The following MYO10 variants were observed in gnomAD, a reference collection of about 807,000 sequenced individuals.
MYO10 encodes the protein myosin X.
Under a neutral mutation model 257.3 loss-of-function variants are expected in MYO10, and 133 were observed. The ratio of observed to expected loss-of-function variants is 0.52; its 90% CI spans 0.45 to 0.60. The LOEUF is 0.60. MYO10 is among the 20% of genes least tolerant of loss of function. The pLI is 0.00. For missense variants in MYO10, 2,399 were observed against 2,635.7 expected (o/e 0.91, Z 1.97); for synonymous variants, 1,104 against 1,028.6 (o/e 1.07, Z -1.40).
At chr5:16,688,653 T>C (rs944419396) in intron 28 of MYO10, among the ~76,000 whole-genome samples, 1 of 151,712 alleles carries the variant, frequency 6.6e-6, no homozygotes, top group African/African-American at 2.4e-5. Flanking sequence ...GGCAGGAGAA[T>C]TGCTTGAACC....
In MYO10 at chr5:16,662,528, C is replaced by T. The variant is rs1387978184; in HGVS notation, c.*4164G>A. On this transcript the variant is annotated 3_prime_UTR_variant, in exon 41 of 41. Transcript: ENST00000513610. ...GTGGAGACAGGGTCTTGTCATGTTGCCCAGACTGGTCTTGAACTCCGGAGC... is the reference window on the plus strand; with the variant it reads ...GTGGAGACAGGGTCTTGTCATGTTGTCCAGACTGGTCTTGAACTCCGGAGC... 6.6e-6 allele frequency: 1 copy of T among 151,724 alleles called. No individual in the cohort carries two copies. Among genetic ancestry groups the T allele is most frequent in the Non-Finnish European group, 1.5e-5 (1 of 67,968 alleles). The allele number at this position is 151,724 out of a possible 1,614,324, so 9.4% of individuals were successfully genotyped here.
intron 3 of MYO10, among the ~76,000 whole-genome samples, chr5:16,797,854 A>G (rs1742013992): frequency 1.3e-5 from 2 of 152,244 alleles, no homozygotes; most frequent in African/African-American, 4.8e-5. Flanking sequence ...ACTAAGATAC[A>G]GGTTGTATGG....
At chr5:16,758,848 T>G (rs530149314) in intron 17 of MYO10, among the ~76,000 whole-genome samples, 2 of 152,254 alleles carry the variant, frequency 1.3e-5, no homozygotes, top group East Asian at 3.9e-4. Context: ...ATCATATATA[T>G]TGATATTAGT....
At chr5:16,823,097 G>C (rs1048551070) in intron 2 of MYO10, among the ~76,000 whole-genome samples, 1 of 151,700 alleles carries the variant, frequency 6.6e-6, no homozygotes, top group Non-Finnish European at 1.5e-5. Flanking sequence ...CAATTAGCAG[G>C]GTATTAGTCG....
Position 16,888,267 on chromosome 5 carries a change from A to G in MYO10, c.22-10560T>C, listed in dbSNP as rs541711869. On this transcript the variant is annotated intron_variant, in intron 1 of 40. Transcript: ENST00000513610. The stretch of plus-strand genomic sequence containing the variant: ...CTCTAGGCTGGGCATAGTGACTCAC[A>G]CCTGTAATCTCAACACTTTGGGAGT... Among the ~76,000 whole-genome samples the G allele has an allele frequency of 3.3e-3, 492 of 151,226 alleles. 5 individuals are homozygous for G. The highest frequency in any genetic ancestry group is 0.011 in the African/African-American group (463 of 40,584).
chr5:16,787,783 T>C (rs1252605150), intron 4 of MYO10, among the ~76,000 whole-genome samples: 1 of 152,090 alleles, frequency 6.6e-6, no homozygotes, highest in Non-Finnish European at 1.5e-5. Flanking sequence ...TGATCAGATT[T>C]AAGCTTCTAA....
At chr5:16,860,363 A>G (rs1161491066) in intron 2 of MYO10, among the ~76,000 whole-genome samples, 3 of 152,154 alleles carry the variant, frequency 2.0e-5, no homozygotes, top group African/African-American at 7.2e-5. Context: ...AGACTTTCCA[A>G]TTGATCTCAG....
At chr5:16,780,689 A>G in intron 7 of MYO10, 39 bp downstream of exon 7, 1 of 1,552,040 alleles carries the variant, frequency 6.4e-7, no homozygotes, top group Non-Finnish European at 8.8e-7. Flanking sequence ...GAAAATTGTT[A>G]TTATGGAAGA....
chr5:16,851,459 G>T (rs2126736073), intron 2 of MYO10, among the ~76,000 whole-genome samples: 1 of 152,218 alleles, frequency 6.6e-6, no homozygotes, highest in East Asian at 1.9e-4. Context: ...TCGGAAACTT[G>T]GGTCACATGT....
chr5:16,762,761 C>T, intron 14 of MYO10, 124 bp from the exon 15 acceptor site: 1 of 643,010 alleles, frequency 1.6e-6, no homozygotes, highest in Non-Finnish European at 2.7e-6. Context: ...GTCAGGAGTT[C>T]CAGACCAGCC....
At position 16,715,051 on chromosome 5, in the gene MYO10, A is replaced by G. The variant is rs187892311; in HGVS notation, c.1930-3806T>C. On this transcript the variant is annotated intron_variant, in intron 19 of 40. Coordinates refer to ENST00000513610, the MANE Select transcript of MYO10 (RefSeq NM_012334.3). ...ACCTGATATGATTATTACACGTCAT[A>G]TGCCTGTGTCAAAATACCTCATACA... Among the ~76,000 whole-genome samples the G allele has an allele frequency of 9.9e-4, 150 of 151,874 alleles. 1 individual carries two copies. Among genetic ancestry groups the G allele is most frequent in the African/African-American group, 3.4e-3 (141 of 41,418 alleles).
At chr5:16,673,283 G>C (rs1736558606) in intron 36 of MYO10, among the ~76,000 whole-genome samples, 1 of 151,782 alleles carries the variant, frequency 6.6e-6, no homozygotes, top group Admixed American at 6.6e-5. Flanking sequence ...TTTTATAATA[G>C]TAAGTTCAAA....
chr5:16,923,604 T>C (rs1172107804), intron 1 of MYO10, among the ~76,000 whole-genome samples: 1 of 151,778 alleles, frequency 6.6e-6, no homozygotes, highest in African/African-American at 2.4e-5. Flanking sequence ...ACTAAACTCT[T>C]ATTTCAAAGT....
intron 2 of MYO10, among the ~76,000 whole-genome samples, chr5:16,864,148 ATTT>A (rs34764765): frequency 3.0e-4 from 41 of 134,450 alleles, no homozygotes; most frequent in Non-Finnish European, 2.9e-4. Context: ...CTATGTGGCT[ATTT>A]TTTTTTTTTT....
rs534537161 is a variant in MYO10 at position 16,810,677 on chromosome 5, C to G, written c.279+7332G>C. The stretch of plus-strand genomic sequence containing the variant: ...GGCGTGGTGGTGCGTGCCTGTAGTC[C>G]CAGCTGCTCTAGAGGCTGACCTGGG... On this transcript the variant is annotated intron_variant, in intron 3 of 40. Coordinates refer to ENST00000513610, the MANE Select transcript of MYO10 (RefSeq NM_012334.3). Among the ~76,000 whole-genome samples, 5 of 152,208 alleles carry G rather than the reference C, an allele frequency of 3.3e-5. No homozygotes were observed. In the East Asian group the frequency reaches 9.7e-4, roughly 29 times the overall value.
chr5:16,761,422 C>A, intron 17 of MYO10, 42 bp downstream of exon 17: 1 of 1,447,160 alleles, frequency 6.9e-7, no homozygotes, highest in South Asian at 1.2e-5. Flanking sequence ...CACAAATATT[C>A]ATTTGCTTGC....
chr5:16,912,988 C>CAAA, intron 1 of MYO10, among the ~76,000 whole-genome samples: 1 of 138,622 alleles, frequency 7.2e-6, no homozygotes, highest in African/African-American at 2.7e-5. Flanking sequence ...TGTTTATTCC[C>CAAA]AAAAAAAAAA....
rs1373757788 is a variant in MYO10, at chr5:16,701,193, TGGA to T, written c.3199_3201del (p.Ser1068del). On this transcript the variant is annotated inframe_deletion, in exon 25 of 41. Transcript: ENST00000513610. The surrounding 1 kb of genome is among the most constrained non-coding windows in gnomAD (Gnocchi z 8.1). Reference sequence around the variant, plus strand: ...GGCATGCAGTAGGTGGACTCGCCGCTGGAGGAGTTGTGTAGGCTCCCGGAGTCC... The same window carrying T: ...GGCATGCAGTAGGTGGACTCGCCGCTGGAGTTGTGTAGGCTCCCGGAGTCC... The T allele has an allele frequency of 1.1e-5, 17 of 1,610,064 alleles. No homozygotes were observed. Among genetic ancestry groups the T allele is most frequent in the Non-Finnish European group, 1.4e-5 (17 of 1,178,300 alleles).
At chr5:16,769,349 T>A in intron 9 of MYO10, 146 bp from the exon 10 acceptor site, 3 of 989,840 alleles carry the variant, frequency 3.0e-6, no homozygotes, top group South Asian at 1.9e-5. Context: ...CTTGTTTTTT[T>A]GTTTTGAGAC....
Sources: gnomAD v4.1 joint callset for allele counts (sites outside exome capture counted in the v4.1 genomes callset) on GRCh38, gnomAD v4.1.1 for gene constraint, Gnocchi (gnomAD v3.1) non-coding constraint, MANE v1.5 for transcripts, NCBI Gene and HGNC (gene_info 2026-07-23, HGNC 2026-07-21) for gene names.